Variants in POLA1 observed in about 807,000 individuals in gnomAD.
POLA1 encodes the protein DNA polymerase alpha catalytic subunit.
Under a neutral mutation model 124.0 loss-of-function variants are expected in POLA1, and 15 were observed. The ratio of observed to expected loss-of-function variants is 0.12; its 90% confidence interval spans 0.08 to 0.19. POLA1 has a LOEUF of 0.19. Among genes scored for constraint, POLA1 ranks in the 10% least tolerant of loss-of-function variants. The pLI is 1.00. For synonymous variants in POLA1, 408 were observed against 389.4 expected (o/e 1.05, Z -0.56); for missense variants, 886 against 1,103.4 (o/e 0.80, Z 2.79).
chrX:24,790,905 G>GTATATATATA (rs1224793451), intron 26 of POLA1, among the ~76,000 whole-genome samples: 4 of 63,578 alleles, frequency 6.3e-5, no homozygotes, highest in African/African-American at 2.7e-4. Flanking sequence ...ATTTATTTAT[G>GTATATATATA]TATATGTATA....
chrX:24,863,022 A>G (rs1339132923), intron 34 of POLA1, among the ~76,000 whole-genome samples: 1 of 112,143 alleles, frequency 8.9e-6, no homozygotes, highest in African/African-American at 3.2e-5. Flanking sequence ...TAGTCATTTT[A>G]AACTCTGAAA....
At chrX:24,738,809 T>A (rs1314012392) in intron 19 of POLA1, among the ~76,000 whole-genome samples, 1 of 112,222 alleles carries the variant, frequency 8.9e-6, no homozygotes, top group Admixed American at 9.4e-5. Context: ...TGTTGCCTCA[T>A]CAGATAAGTT....
At chrX:24,879,447 A>C (rs1227797377) in intron 34 of POLA1, among the ~76,000 whole-genome samples, 1 of 112,286 alleles carries the variant, frequency 8.9e-6, no homozygotes, top group East Asian at 2.8e-4. Context: ...AGATTAATGG[A>C]ATGTGGAAAG....
chrX:24,733,833 A>G lies in POLA1; in HGVS notation c.1833+17A>G. Reference sequence around the variant, plus strand: ...GAGAAAAAGGTAAAGTGCTCATTATATGAAGCACCTGTTTGTTTGGAGCGA... The same window carrying G: ...GAGAAAAAGGTAAAGTGCTCATTATGTGAAGCACCTGTTTGTTTGGAGCGA... On this transcript the variant is annotated intron_variant, in intron 17 of 36. Transcript: ENST00000379068. 1 of 934,627 alleles carries G rather than the reference A, an allele frequency of 1.1e-6. No homozygotes were observed. The highest frequency in any genetic ancestry group is 2.2e-5 in the South Asian group (1 of 45,018). The allele number at this position is 934,627 out of a possible 1,213,427, so 77.0% of individuals were successfully genotyped here.
At chrX:24,715,343 G>C (rs1929749146) in intron 6 of POLA1, 140 bp downstream of exon 6, 1 of 376,982 alleles carries the variant, frequency 2.7e-6, no homozygotes, top group Admixed American at 4.7e-5. Flanking sequence ...CCAGGCTGGT[G>C]TGCAGTGGTG....
At chrX:24,796,193 A>G (rs1463400741) in intron 26 of POLA1, among the ~76,000 whole-genome samples, 3 of 111,327 alleles carry the variant, frequency 2.7e-5, no homozygotes, top group Non-Finnish European at 1.9e-5. Flanking sequence ...GAGCCCATCA[A>G]CATGGCCTCA....
At chrX:24,733,617 T>C in intron 16 of POLA1, 138 bp from the exon 17 acceptor site, 1 of 353,084 alleles carries the variant, frequency 2.8e-6, no homozygotes, top group Non-Finnish European at 5.0e-6. Flanking sequence ...CCAGTGGAAG[T>C]ATTTGATGAC....
At chrX:24,843,524 A>G in intron 33 of POLA1, 22 bp from the exon 34 acceptor site, 1 of 1,138,501 alleles carries the variant, frequency 8.8e-7, no homozygotes, top group Non-Finnish European at 1.2e-6. Context: ...AATTTTTTGT[A>G]TACTTCTCCT....
chrX:24,968,985 T>G (rs1352589227), intron 36 of POLA1, among the ~76,000 whole-genome samples: 5 of 111,147 alleles, frequency 4.5e-5, no homozygotes, highest in Non-Finnish European at 7.5e-5. Context: ...AAGGTGGGCA[T>G]ATCACGAGGT....
chrX:24,810,758 C>A lies in POLA1; in HGVS notation c.3048C>A (p.Thr1016=), dbSNP rs748077715. 1.8e-6 allele frequency: 2 copies of A among 1,108,042 alleles called. No individual in the cohort carries two copies. The highest frequency in any genetic ancestry group is 2.5e-6 in the Non-Finnish European group (2 of 809,330). 91.3% of individuals were successfully genotyped at this position (1,108,042 alleles called of 1,213,427 possible). The part of the protein sequence containing the change: ...YGDTDSIMIN[T]NSTNLEEVFK... ...ATACAGATTCAATTATGATAAACAC[C>A]AATAGCACCAATCTGGAAGAAGTAT... Residue 1016 remains threonine, a synonymous_variant, in exon 28 of 37, where the codon ACC becomes ACA. Coordinates refer to ENST00000379068, the MANE Select transcript of POLA1 (RefSeq NM_001330360.2).
chrX:24,862,416 C>T (rs1004890436), intron 34 of POLA1, among the ~76,000 whole-genome samples: 7 of 111,779 alleles, frequency 6.3e-5, no homozygotes, highest in African/African-American at 2.3e-4. Context: ...CCTTATTTCT[C>T]CTCCTTAAGC....
chrX:24,743,249 TTGA>T lies in POLA1; in HGVS notation c.2489_2491del (p.Asp830del). The T allele has an allele frequency of 8.9e-7, 1 of 1,124,067 alleles. No individual in the cohort carries two copies. The highest frequency in any genetic ancestry group is 1.2e-6 in the Non-Finnish European group (1 of 822,715). The allele number at this position is 1,124,067 out of a possible 1,213,427, so 92.6% of individuals were successfully genotyped here. On this transcript the variant is annotated inframe_deletion, in exon 23 of 37. Transcript: ENST00000379068. ...TATTAGGGAGATGAAGATGAAGAAA[TTGA>T]TGGAGATACCAATAAATACAAGAAA...
At chrX:24,781,662 T>C (rs146550085) in intron 26 of POLA1, among the ~76,000 whole-genome samples, 215 of 111,706 alleles carry the variant, frequency 1.9e-3, no homozygotes, top group African/African-American at 5.7e-3. Flanking sequence ...ACGAACATTT[T>C]GAGTACTGAA....
chrX:24,904,550 C>G (rs766058660), intron 35 of POLA1, among the ~76,000 whole-genome samples: 1 of 110,785 alleles, frequency 9.0e-6, no homozygotes, highest in Admixed American at 9.6e-5. Context: ...TTCCCTGAAT[C>G]CTCTTTCTCT....
intron 36 of POLA1, among the ~76,000 whole-genome samples, chrX:24,952,229 T>C (rs1294703067): frequency 1.8e-5 from 2 of 112,309 alleles, no homozygotes; most frequent in African/African-American, 3.2e-5. Context: ...TTATTTTTCC[T>C]CAATTAGTAA....
chrX:24,925,185 C>T (rs914165410), intron 35 of POLA1, among the ~76,000 whole-genome samples: 1 of 111,919 alleles, frequency 8.9e-6, no homozygotes, highest in African/African-American at 3.2e-5. Flanking sequence ...TCTACTAGAA[C>T]GTGGTGTTTG....
chrX:24,843,471 A>G (rs1349153151), intron 33 of POLA1, 75 bp from the exon 34 acceptor site: 15 of 689,296 alleles, frequency 2.2e-5, no homozygotes, highest in Non-Finnish European at 3.2e-5. Context: ...CTAGGACAGC[A>G]TGTAAGTTTT....
chrX:24,860,187 AATTAAAT>A (rs2046698740), intron 34 of POLA1, among the ~76,000 whole-genome samples: 1 of 112,562 alleles, frequency 8.9e-6, no homozygotes, highest in African/African-American at 3.2e-5. Flanking sequence ...TTAACACCAT[AATTAAAT>A]ACCCAGAGTA....
At chrX:24,742,190 CT>C (rs1223044750) in intron 22 of POLA1, 69 bp downstream of exon 22, 381 of 846,780 alleles carry the variant, frequency 4.5e-4, no homozygotes, top group Non-Finnish European at 5.6e-4. Context: ...CCTAGATAGC[CT>C]TTTTTTTCTG....
Sources: gnomAD v4.1 joint callset for allele counts (sites outside exome capture counted in the v4.1 genomes callset) on GRCh38, gnomAD v4.1.1 for gene constraint, MANE v1.5 for transcripts, NCBI Gene and HGNC (gene_info 2026-07-23, HGNC 2026-07-21) for gene names.